The following VWDE variants were observed in gnomAD, a reference collection of about 807,000 sequenced individuals.
VWDE encodes the protein von Willebrand factor D and EGF domains.
VWDE carries 207 observed loss-of-function variants against 178.4 expected under a neutral mutation model. The observed-to-expected ratio is 1.16, with a 90% confidence interval of 1.04 to 1.30. VWDE has a LOEUF of 1.30. VWDE is among the 50% of genes most tolerant of loss of function. The pLI, the probability that VWDE is intolerant of heterozygous loss-of-function variation, is 0.00. For missense variants in VWDE, 2,287 were observed against 1,901.3 expected (o/e 1.20, Z -3.77); for synonymous variants, 738 against 651.4 (o/e 1.13, Z -2.02).
rs10250410 is a variant in VWDE at position 12,377,713 on chromosome 7, C to T, written c.1024+63G>A. 3.9e-3 allele frequency: 4,337 copies of T among 1,109,500 alleles called. 121 individuals carry two copies. The African/African-American group carries it at 0.061, about 16-fold the overall frequency. 68.7% of individuals were successfully genotyped at this position (1,109,500 alleles called of 1,614,324 possible). The stretch of plus-strand genomic sequence containing the variant: ...GAGTACACTCCAGTGACTTTTCCTA[C>T]AGGAAAAAAAAGCATTATTGTTTGC... On this transcript the variant is annotated intron_variant, in intron 7 of 28. Transcript: ENST00000275358.
intron 15 of VWDE, among the ~76,000 whole-genome samples, chr7:12,360,883 T>TA (rs753172633): frequency 1.1e-4 from 17 of 152,114 alleles, no homozygotes; most frequent in Non-Finnish European, 2.5e-4. Context: ...ACAATGTAGG[T>TA]AGGAGTGAAG....
At chr7:12,399,979 C>G (rs1318573363) in intron 1 of VWDE, among the ~76,000 whole-genome samples, 1 of 151,628 alleles carries the variant, frequency 6.6e-6, no homozygotes, top group Admixed American at 6.6e-5. Context: ...ATCACTGAGT[C>G]AAAGAATAAA....
Position 12,343,109 on chromosome 7 carries a change from C to T in VWDE, c.4148G>A (p.Gly1383Asp), listed in dbSNP as rs369817888. 5.7e-5 allele frequency: 88 copies of T among 1,549,532 alleles called. No individual in the cohort carries two copies. In the South Asian group the frequency reaches 6.7e-4, roughly 12 times the overall value. Residue 1383 changes from glycine (G) to aspartate (D), a missense_variant, in exon 22 of 29, where the codon GGT becomes GAT. By Grantham distance (94) the Gly-to-Asp change is moderately conservative. Coordinates refer to ENST00000275358, the MANE Select transcript of VWDE (RefSeq NM_001135924.3). ...LAGNLCTCPY[G>D]FVGPRCETMV... The stretch of plus-strand genomic sequence containing the variant: ...TGTTTCACACCTTGGTCCTACAAAA[C>T]CATAAGGACAAGTGCAGAGATTCCC...
At chr7:12,355,174 C>A (rs146376266) in intron 18 of VWDE, among the ~76,000 whole-genome samples, 1 of 151,912 alleles carries the variant, frequency 6.6e-6, no homozygotes, top group African/African-American at 2.4e-5. Context: ...CCCAGTACTT[C>A]GGGAGGCTGA....
intron 12 of VWDE, 44 bp downstream of exon 12, chr7:12,369,501 T>C: frequency 6.8e-7 from 1 of 1,466,324 alleles, no homozygotes; most frequent in South Asian, 1.5e-5. Context: ...ATTTTTATAA[T>C]GAAATATCAC....
intron 13 of VWDE, among the ~76,000 whole-genome samples, chr7:12,365,439 G>A (rs760191509): frequency 3.9e-5 from 6 of 151,984 alleles, no homozygotes; most frequent in Admixed American, 6.6e-5. Flanking sequence ...AAATTACTTC[G>A]TAAAATGGGA....
intron 3 of VWDE, among the ~76,000 whole-genome samples, chr7:12,387,719 A>C (rs1333589045): frequency 1.3e-5 from 2 of 152,092 alleles, no homozygotes; most frequent in Admixed American, 1.3e-4. Context: ...GAGTCTAACA[A>C]CCTCAGTAAT....
intron 19 of VWDE, among the ~76,000 whole-genome samples, 194 bp from the exon 20 acceptor site, chr7:12,344,663 A>G (rs983727733): frequency 6.6e-6 from 1 of 152,174 alleles, no homozygotes; most frequent in Non-Finnish European, 1.5e-5. Flanking sequence ...AAGCCAAAAC[A>G]CAAACAAAGC....
At chr7:12,339,717 A>G (rs1781224809) in intron 24 of VWDE, among the ~76,000 whole-genome samples, 1 of 152,174 alleles carries the variant, frequency 6.6e-6, no homozygotes, top group African/African-American at 2.4e-5. Flanking sequence ...AAATATGAAG[A>G]TGTAGAAAAT....
chr7:12,346,985 G>A (rs1231719867), intron 19 of VWDE, among the ~76,000 whole-genome samples: 1 of 152,134 alleles, frequency 6.6e-6, no homozygotes, highest in Non-Finnish European at 1.5e-5. Flanking sequence ...TTTGAAAAAT[G>A]TGAGGACTTC....
Position 12,375,227 on chromosome 7 carries a change from C to A in VWDE, c.1025G>T (p.Gly342Val), listed in dbSNP as rs1370903547. The A allele has an allele frequency of 5.8e-6, 9 of 1,548,480 alleles. No homozygotes were observed. Among genetic ancestry groups the A allele is most frequent in the Admixed American group, 3.9e-5 (2 of 50,828 alleles). Residue 342 changes from glycine to valine, a missense_variant and splice_region_variant, in exon 8 of 29, where the codon GGT becomes GTT. By Grantham distance (109) the Gly-to-Val change is moderately radical. Transcript: ENST00000275358. ...ISLKLKTIGQ[G>V]REHLGLNLAL... Reference sequence around the variant, plus strand: ...CAAATTTAAGCCTAGGTGCTCTCTACCTATTTAATGAAAAAATAGGTTTAA... The same window carrying A: ...CAAATTTAAGCCTAGGTGCTCTCTAACTATTTAATGAAAAAATAGGTTTAA...
At chr7:12,387,331 T>A (rs1164455223) in intron 3 of VWDE, among the ~76,000 whole-genome samples, 4 of 151,964 alleles carry the variant, frequency 2.6e-5, no homozygotes, top group Admixed American at 2.6e-4. Flanking sequence ...TCATTGTTTT[T>A]ATGAAAAAAG....
chr7:12,333,671 C>G, intron 27 of VWDE, 103 bp from the exon 28 acceptor site: 1 of 720,800 alleles, frequency 1.4e-6, no homozygotes, highest in Non-Finnish European at 2.4e-6. Context: ...GACACCAATG[C>G]AGTCATAAGA....
intron 13 of VWDE, among the ~76,000 whole-genome samples, chr7:12,363,442 T>C (rs1251716373): frequency 1.3e-5 from 2 of 152,066 alleles, no homozygotes; most frequent in Non-Finnish European, 2.9e-5. Flanking sequence ...TCAGCAACCT[T>C]AAAATTGGAT....
At chr7:12,334,855 G>A (rs1455314814) in intron 27 of VWDE, among the ~76,000 whole-genome samples, 4 of 152,200 alleles carry the variant, frequency 2.6e-5, no homozygotes, top group Non-Finnish European at 4.4e-5. Flanking sequence ...CACCCAAGTT[G>A]AGGTTGCTAA....
Position 12,361,473 on chromosome 7 carries a change from C to G in VWDE, c.2947G>C (p.Val983Leu), listed in dbSNP as rs1387052290. 5.8e-6 allele frequency: 9 copies of G among 1,551,244 alleles called. No individual in the cohort carries two copies. Among genetic ancestry groups the G allele is most frequent in the Non-Finnish European group, 7.8e-6 (9 of 1,146,652 alleles). ...TCAACAGCTCTGCTATTGTGGAAAACAGTCTGTGTATAGATGGGTTCTCCA... is the reference window on the plus strand; with the variant it reads ...TCAACAGCTCTGCTATTGTGGAAAAGAGTCTGTGTATAGATGGGTTCTCCA... ...MPGEPIYTQT[V>L]FHNSRAVDCQ... The change falls in exon 14 of 29, where the codon GTT (valine) becomes CTT (leucine). Residue 983 changes from valine to leucine, a missense_variant. By Grantham distance (32) the Val-to-Leu change is conservative. Coordinates refer to ENST00000275358, the MANE Select transcript of VWDE (RefSeq NM_001135924.3).
intron 16 of VWDE, among the ~76,000 whole-genome samples, chr7:12,358,451 CT>C (rs1254951080): frequency 1.3e-5 from 2 of 151,936 alleles, no homozygotes; most frequent in East Asian, 3.9e-4. Context: ...CTGAAAATCT[CT>C]TTTTATATTG....
chr7:12,390,674 A>G (rs1784343611), intron 2 of VWDE, among the ~76,000 whole-genome samples: 1 of 151,884 alleles, frequency 6.6e-6, no homozygotes, highest in African/African-American at 2.4e-5. Context: ...ATCCATTTAA[A>G]AACTCTAAGA....
intron 3 of VWDE, 181 bp downstream of exon 3, chr7:12,388,946 T>C: frequency 1.4e-6 from 1 of 715,772 alleles, no homozygotes. Context: ...TTTACAATCT[T>C]GGCAAAGAAC....
Sources: allele counts gnomAD v4.1 joint callset (sites outside exome capture counted in the v4.1 genomes callset), GRCh38; gene constraint gnomAD v4.1.1; transcripts MANE v1.5; gene names NCBI Gene and HGNC (gene_info 2026-07-23, HGNC 2026-07-21).